Variants in PCCA observed in about 807,000 individuals in gnomAD.
PCCA encodes the protein propionyl-CoA carboxylase alpha chain, mitochondrial.
PCCA carries 74 observed loss-of-function variants against 101.3 expected under a neutral mutation model. That is an observed-to-expected ratio of 0.73 (90% CI 0.61 to 0.89). The LOEUF (loss-of-function observed/expected upper bound fraction) is 0.89, where lower values mean the gene tolerates loss of function less well. Ranked by LOEUF, PCCA falls within the 40% of genes least tolerant of loss-of-function variation. The pLI, the probability that PCCA is intolerant of heterozygous loss-of-function variation, is 0.00. For synonymous variants in PCCA, 294 were observed against 313.6 expected (o/e 0.94, Z 0.66); for missense variants, 891 against 907.0 (o/e 0.98, Z 0.23).
At chr13:100,134,577 G>C (rs2050918548) in intron 4 of PCCA, among the ~76,000 whole-genome samples, 1 of 152,146 alleles carries the variant, frequency 6.6e-6, no homozygotes, top group Admixed American at 6.6e-5. Flanking sequence ...GGTATTCTTA[G>C]ACAGGGTCTT....
At position 100,262,749 on chromosome 13, in the gene PCCA, C is replaced by A. The variant is rs370156549; in HGVS notation, c.737C>A (p.Ser246Tyr). 7 of 1,456,828 alleles carry A rather than the reference C, an allele frequency of 4.8e-6. No homozygotes were observed. Among genetic ancestry groups the A allele is most frequent in the African/African-American group, 2.9e-5 (2 of 69,164 alleles). The allele number at this position is 1,456,828 out of a possible 1,614,324, so 90.2% of individuals were successfully genotyped here. The change falls in exon 10 of 24, where the codon TCT becomes TAT. Residue 246 changes from serine (S) to tyrosine (Y), a missense_variant. Coordinates refer to ENST00000376285, the MANE Select transcript of PCCA (RefSeq NM_000282.4). The stretch of plus-strand genomic sequence containing the variant: ...CACAGGGATGGTTTTAGATTGTCAT[C>A]TCAAGAAGCTGCTTCTAGTTTTGGC... ...EETRDGFRLS[S>Y]QEAASSFGDD...
intron 20 of PCCA, among the ~76,000 whole-genome samples, chr13:100,437,037 C>T (rs930964781): frequency 1.3e-5 from 2 of 152,292 alleles, no homozygotes; most frequent in East Asian, 1.9e-4. Flanking sequence ...GGTAGCACCT[C>T]GGCTGTTTTA....
At chr13:100,359,851 A>G (rs570270736) in intron 18 of PCCA, among the ~76,000 whole-genome samples, 109 of 152,340 alleles carry the variant, frequency 7.2e-4, no homozygotes, top group Non-Finnish European at 1.4e-3. Context: ...AAATATTAAG[A>G]TGTCACTTCT....
rs2076940317 is a variant in PCCA, at chr13:100,394,116, C to A, written c.1746+25542C>A. Among the ~76,000 whole-genome samples, 1 of 152,172 alleles carries A rather than the reference C, an allele frequency of 6.6e-6. No individual in the cohort carries two copies. Among genetic ancestry groups the A allele is most frequent in the Admixed American group, 6.5e-5 (1 of 15,270 alleles). ...TTAGCAAAAGGCAGAGGAGTGCTTT[C>A]CTTTGAAATGTGTGAGGCGGTTTGA... On this transcript the variant is annotated intron_variant, in intron 19 of 23. Transcript: ENST00000376285. The surrounding 1 kb of genome is among the most constrained non-coding windows in gnomAD (Gnocchi z 4.3).
At position 100,391,198 on chromosome 13, in the gene PCCA, A is replaced by G. The variant is rs2076783744; in HGVS notation, c.1746+22624A>G. On this transcript the variant is annotated intron_variant, in intron 19 of 23. Transcript: ENST00000376285. The stretch of plus-strand genomic sequence containing the variant: ...ACGCCCAGCTAATTTTTGTATTTTT[A>G]GTAGAGACGGAGTTTCACCATGTTG... Among the ~76,000 whole-genome samples the G allele has an allele frequency of 2.0e-5, 3 of 152,158 alleles. 1 individual carries two copies. In the South Asian group the frequency reaches 6.2e-4, roughly 32 times the overall value.
rs1468224803 is a variant in PCCA, at chr13:100,394,103, A to G, written c.1746+25529A>G. Among the ~76,000 whole-genome samples, 2 of 152,218 alleles carry G rather than the reference A, an allele frequency of 1.3e-5. No homozygotes were observed. Among genetic ancestry groups the G allele is most frequent in the African/African-American group, 4.8e-5 (2 of 41,474 alleles). On this transcript the variant is annotated intron_variant, in intron 19 of 23. Transcript: ENST00000376285. This position sits in a 1 kb window ranked among gnomAD's most constrained non-coding sequence, Gnocchi z 4.3. ...GTGTTTTGATGTCTTAGCAAAAGGC[A>G]GAGGAGTGCTTTCCTTTGAAATGTG... is the stretch of plus-strand genomic sequence containing the variant.
chr13:100,114,167 A>G (rs961438661), intron 4 of PCCA, among the ~76,000 whole-genome samples: 29 of 152,112 alleles, frequency 1.9e-4, no homozygotes, highest in Non-Finnish European at 3.8e-4. Context: ...TGAAGAGACA[A>G]CCCACAGAAT....
chr13:100,283,118 C>G (rs2064275600), intron 12 of PCCA, among the ~76,000 whole-genome samples: 1 of 152,142 alleles, frequency 6.6e-6, no homozygotes, highest in Non-Finnish European at 1.5e-5. Flanking sequence ...CCTACAAGGT[C>G]TAGGGCAAAC....
At chr13:100,220,752 T>C (rs1446334119) in intron 7 of PCCA, among the ~76,000 whole-genome samples, 1 of 152,354 alleles carries the variant, frequency 6.6e-6, no homozygotes, top group East Asian at 1.9e-4. Flanking sequence ...TTGCATTACA[T>C]ATTTAATGCA....
At chr13:100,402,013 G>C (rs770109187) in intron 19 of PCCA, among the ~76,000 whole-genome samples, 1 of 152,104 alleles carries the variant, frequency 6.6e-6, no homozygotes, top group East Asian at 1.9e-4. Flanking sequence ...GGGTGTATAC[G>C]TGTGCGTGGT....
At chr13:100,416,952 T>C (rs1471930634) in intron 19 of PCCA, among the ~76,000 whole-genome samples, 1 of 152,136 alleles carries the variant, frequency 6.6e-6, no homozygotes, top group Non-Finnish European at 1.5e-5. Context: ...CAAGCAATTC[T>C]CCTGCTTCAG....
At chr13:100,111,149 T>A (rs2152276492) in intron 2 of PCCA, among the ~76,000 whole-genome samples, 1 of 150,914 alleles carries the variant, frequency 6.6e-6, no homozygotes, top group Admixed American at 6.6e-5. Context: ...GTAGCTGAGA[T>A]TAGAGGCGCG....
chr13:100,527,181 T>G, intron 22 of PCCA: 3 of 407,730 alleles, frequency 7.4e-6, no homozygotes, highest in Non-Finnish European at 1.0e-5. Context: ...TTCGGTGGTT[T>G]CAGTCAATTC....
intron 8 of PCCA, among the ~76,000 whole-genome samples, chr13:100,238,226 C>T (rs2060922562): frequency 6.6e-6 from 1 of 152,146 alleles, no homozygotes; most frequent in Non-Finnish European, 1.5e-5. Context: ...AGGCATAAGC[C>T]AGTGCACCTG....
At chr13:100,519,338 T>C (rs1053970812) in intron 22 of PCCA, among the ~76,000 whole-genome samples, 3 of 152,252 alleles carry the variant, frequency 2.0e-5, no homozygotes, top group Non-Finnish European at 4.4e-5. Flanking sequence ...CCATTCGATA[T>C]TAGACTTCGG....
chr13:100,141,137 C>T (rs750199736), intron 4 of PCCA, among the ~76,000 whole-genome samples: 2 of 152,170 alleles, frequency 1.3e-5, no homozygotes, highest in African/African-American at 2.4e-5. Flanking sequence ...AAAATCCAAA[C>T]ACTTTACCGT....
At chr13:100,222,610 A>T (rs2059889776) in intron 7 of PCCA, among the ~76,000 whole-genome samples, 2 of 152,182 alleles carry the variant, frequency 1.3e-5, no homozygotes, top group Admixed American at 6.5e-5. Flanking sequence ...AATAGTACCG[A>T]ATTTTGGAAT....
intron 21 of PCCA, among the ~76,000 whole-genome samples, chr13:100,457,388 CTGA>C (rs2081822770): frequency 6.6e-6 from 1 of 152,048 alleles, no homozygotes; most frequent in Non-Finnish European, 1.5e-5. Context: ...TACTTGCTGG[CTGA>C]CAAATCAGCC....
intron 21 of PCCA, among the ~76,000 whole-genome samples, chr13:100,502,883 G>A (rs1437986016): frequency 6.6e-6 from 1 of 152,228 alleles, no homozygotes; most frequent in African/African-American, 2.4e-5. Flanking sequence ...AAAAGAAGAG[G>A]GAGGCAGAGC....
Sources: gnomAD v4.1 joint callset for allele counts (sites outside exome capture counted in the v4.1 genomes callset) on GRCh38, gnomAD v4.1.1 for gene constraint, Gnocchi (gnomAD v3.1) non-coding constraint, MANE v1.5 for transcripts, NCBI Gene and HGNC (gene_info 2026-07-23, HGNC 2026-07-21) for gene names.